The following MOCOS variants were observed in gnomAD, a reference collection of about 807,000 sequenced individuals.
MOCOS encodes the protein human molybdenum cofactor sulfurase.
Under a neutral mutation model 83.6 loss-of-function variants are expected in MOCOS, and 86 were observed. The ratio of observed to expected loss-of-function variants is 1.03; its 90% CI spans 0.86 to 1.23. The LOEUF is 1.23. MOCOS is among the 50% of genes most tolerant of loss of function. The pLI, the probability that MOCOS is intolerant of heterozygous loss-of-function variation, is 0.00. For missense variants in MOCOS, 1,120 were observed against 1,126.9 expected (o/e 0.99, Z 0.09); for synonymous variants, 445 against 434.7 (o/e 1.02, Z -0.29).
At chr18:36,227,382 C>A (rs1160916673) in intron 9 of MOCOS, among the ~76,000 whole-genome samples, 1 of 151,498 alleles carries the variant, frequency 6.6e-6, no homozygotes, top group Admixed American at 6.6e-5. Context: ...CTGATATGTG[C>A]TGCCATGCCC....
At chr18:36,233,018 G>T (rs372792055) in intron 9 of MOCOS, among the ~76,000 whole-genome samples, 14 of 151,810 alleles carry the variant, frequency 9.2e-5, no homozygotes, top group African/African-American at 3.1e-4. Flanking sequence ...CCTCTCCTTC[G>T]TTATTATTAT....
At chr18:36,207,198 G>A (rs866462467) in intron 6 of MOCOS, among the ~76,000 whole-genome samples, 4 of 151,970 alleles carry the variant, frequency 2.6e-5, no homozygotes, top group Admixed American at 6.6e-5. Flanking sequence ...CACTACGCCC[G>A]GTTAATTTTT....
intron 2 of MOCOS, among the ~76,000 whole-genome samples, chr18:36,195,829 G>A (rs188772022): frequency 3.9e-5 from 6 of 152,374 alleles, no homozygotes; most frequent in Non-Finnish European, 8.8e-5. Flanking sequence ...CCAAATAGAT[G>A]TGATTACCAA....
chr18:36,218,837 T>TTTTTTTTA (rs1555652671), intron 8 of MOCOS, among the ~76,000 whole-genome samples: 22 of 133,926 alleles, frequency 1.6e-4, no homozygotes, highest in African/African-American at 4.8e-4. Context: ...CTTTATTTTA[T>TTTTTTTTA]TTTATTTATT....
chr18:36,267,798 C>T (rs2091686650), intron 14 of MOCOS, among the ~76,000 whole-genome samples: 1 of 152,190 alleles, frequency 6.6e-6, no homozygotes, highest in African/African-American at 2.4e-5. Context: ...CTGCAATTTT[C>T]ATGTGCATGA....
intron 9 of MOCOS, among the ~76,000 whole-genome samples, chr18:36,240,768 G>C (rs2091578840): frequency 6.6e-6 from 1 of 151,744 alleles, no homozygotes; most frequent in Non-Finnish European, 1.5e-5. Flanking sequence ...TCAGACTGCT[G>C]TGCTAGCAAT....
chr18:36,213,273 A>G, intron 6 of MOCOS, 93 bp from the exon 7 acceptor site: 1 of 934,466 alleles, frequency 1.1e-6, no homozygotes, highest in South Asian at 1.3e-5. Context: ...TCATTTTATT[A>G]TTAGGAAAGA....
intron 2 of MOCOS, 45 bp downstream of exon 2, chr18:36,195,391 CT>C (rs2091383146): frequency 6.9e-7 from 1 of 1,454,454 alleles, no homozygotes; most frequent in Non-Finnish European, 9.7e-7. Flanking sequence ...CTACATGCAG[CT>C]GATATACCTG....
chr18:36,236,740 G>C lies in MOCOS; in HGVS notation c.1961-12182G>C, dbSNP rs370184056. Among the ~76,000 whole-genome samples the C allele has an allele frequency of 2.8e-4, 40 of 141,704 alleles. 3 individuals are homozygous for C. In the East Asian group the frequency reaches 6.6e-3, roughly 23 times the overall value. The allele number at this position is 141,704 out of a possible 152,430, so 93.0% of individuals were successfully genotyped here. On this transcript the variant is annotated intron_variant, in intron 9 of 14. Coordinates refer to ENST00000261326, the MANE Select transcript of MOCOS (RefSeq NM_017947.4). ...CCTTGGGCAGTATGGCCATTTTCAC[G>C]ATATTGATTCTTCCTACCCATGAGC...
chr18:36,244,595 T>G (rs1333082633), intron 9 of MOCOS, among the ~76,000 whole-genome samples: 2 of 152,172 alleles, frequency 1.3e-5, no homozygotes, highest in South Asian at 2.1e-4. Flanking sequence ...ATGTATACTC[T>G]GCAGTTGTTG....
At chr18:36,224,213 T>G (rs1165723432) in intron 9 of MOCOS, among the ~76,000 whole-genome samples, 2 of 152,210 alleles carry the variant, frequency 1.3e-5, no homozygotes, top group Non-Finnish European at 2.9e-5. Context: ...TTTGAATATA[T>G]AAGATCATGT....
intron 5 of MOCOS, among the ~76,000 whole-genome samples, chr18:36,203,806 A>C (rs990960634): frequency 1.3e-5 from 2 of 152,202 alleles, no homozygotes; most frequent in Non-Finnish European, 2.9e-5. Context: ...GACAGGATTC[A>C]CGGGAAGAGA....
In MOCOS at chr18:36,187,567, C is replaced by T. The variant is rs745322935; in HGVS notation, c.28C>T (p.Arg10Trp). The T allele has an allele frequency of 5.3e-5, 66 of 1,244,740 alleles. No individual in the cohort carries two copies. Among genetic ancestry groups the T allele is most frequent in the Non-Finnish European group, 6.5e-5 (65 of 994,302 alleles). 77.1% of individuals were successfully genotyped at this position (1,244,740 alleles called of 1,614,324 possible). The change falls in exon 1 of 15, where the codon CGG becomes TGG. Residue 10 changes from arginine to tryptophan, a missense_variant. Physicochemically the swap from Arg to Trp is moderately radical, Grantham distance 101. Transcript: ENST00000261326. MAGAAAESG[R>W]ELWTFAGSRD... ...GGCCGGCGCGGCGGCGGAGTCAGGG[C>T]GGGAGCTGTGGACCTTCGCGGGTTC...
At position 36,251,276 on chromosome 18, in the gene MOCOS, T is replaced by A. The variant is rs1471027796; in HGVS notation, c.2157T>A (p.His719Gln). The change falls in exon 11 of 15, where the codon CAT becomes CAA. Residue 719 changes from histidine (H) to glutamine (Q), a missense_variant. By Grantham distance (24) the His-to-Gln change is conservative (BLOSUM62 0). Transcript: ENST00000261326. Reference protein sequence around the residue: ...SNSQRNAKKKHGKDQLPGTMA... With the variant: ...SNSQRNAKKKQGKDQLPGTMA... Reference sequence around the variant, plus strand: ...CTCAAAGGAATGCAAAGAAGAAACATGGAAAAGGTATTACATTTTGAATTG... The same window carrying A: ...CTCAAAGGAATGCAAAGAAGAAACAAGGAAAAGGTATTACATTTTGAATTG... 1.2e-6 allele frequency: 2 copies of A among 1,614,050 alleles called. No homozygotes were observed. Among genetic ancestry groups the A allele is most frequent in the Non-Finnish European group, 1.7e-6 (2 of 1,179,964 alleles).
intron 9 of MOCOS, among the ~76,000 whole-genome samples, chr18:36,231,143 A>G (rs1327182242): frequency 1.3e-5 from 2 of 152,074 alleles, no homozygotes; most frequent in African/African-American, 2.4e-5. Context: ...ATCATGACTA[A>G]ATTTATTTCT....
chr18:36,262,479 G>A (rs558796581), intron 13 of MOCOS, among the ~76,000 whole-genome samples: 5 of 152,056 alleles, frequency 3.3e-5, no homozygotes, highest in Non-Finnish European at 5.9e-5. Flanking sequence ...GCATTAAAGA[G>A]CATAAGATAT....
chr18:36,270,450 C>T lies in MOCOS; in HGVS notation c.*1765C>T, dbSNP rs191092676. ...GGTCACTTGCCCAGGTGCGGTGGCTCACACCTGTAATTCCAGCACTTTGGG... is the reference window on the plus strand; with the variant it reads ...GGTCACTTGCCCAGGTGCGGTGGCTTACACCTGTAATTCCAGCACTTTGGG... On this transcript the variant is annotated 3_prime_UTR_variant, in exon 15 of 15. Transcript: ENST00000261326. The T allele has an allele frequency of 2.0e-5, 3 of 152,238 alleles. No individual in the cohort carries two copies. Among genetic ancestry groups the T allele is most frequent in the South Asian group, 2.1e-4 (1 of 4,810 alleles). The allele number at this position is 152,238 out of a possible 1,614,324, so 9.4% of individuals were successfully genotyped here.
intron 2 of MOCOS, among the ~76,000 whole-genome samples, chr18:36,197,275 C>T (rs2144898179): frequency 6.6e-6 from 1 of 152,212 alleles, no homozygotes; most frequent in African/African-American, 2.4e-5. Flanking sequence ...CTGCTTCATG[C>T]TTGGAGAAAA....
chr18:36,242,834 C>G (rs1041050648), intron 9 of MOCOS, among the ~76,000 whole-genome samples: 1 of 152,196 alleles, frequency 6.6e-6, no homozygotes, highest in African/African-American at 2.4e-5. Context: ...GTGATCCAAT[C>G]ACCTTCCTCC....
Sources: gnomAD v4.1 joint callset for allele counts (sites outside exome capture counted in the v4.1 genomes callset) on GRCh38, gnomAD v4.1.1 for gene constraint, MANE v1.5 for transcripts, NCBI Gene and HGNC (gene_info 2026-07-23, HGNC 2026-07-21) for gene names.